SOS2: variants seen among roughly 807,000 people sequenced by gnomAD.
SOS2 encodes SOS Ras/Rho guanine nucleotide exchange factor 2, also known as son of sevenless homolog 2.
Under a neutral mutation model 148.2 loss-of-function variants are expected in SOS2, and 65 were observed. That is an observed-to-expected ratio of 0.44 (90% CI 0.36 to 0.54). SOS2 has a LOEUF of 0.54. SOS2 is among the 20% of genes least tolerant of loss of function. The pLI is 0.00. For missense variants in SOS2, 1,341 were observed against 1,590.2 expected (o/e 0.84, Z 2.67); for synonymous variants, 539 against 537.1 (o/e 1.00, Z -0.05).
chr14:50,144,191 C>A (rs1884387240), intron 16 of SOS2, among the ~76,000 whole-genome samples: 1 of 151,856 alleles, frequency 6.6e-6, no homozygotes, highest in Non-Finnish European at 1.5e-5. Flanking sequence ...GTCCCACAAT[C>A]TACTGTTGGA....
At chr14:50,217,338 A>AT (rs200144434) in intron 1 of SOS2, among the ~76,000 whole-genome samples, 1 of 152,128 alleles carries the variant, frequency 6.6e-6, no homozygotes, top group African/African-American at 2.4e-5. Flanking sequence ...ACAAGGTGAG[A>AT]TTTTTTTAAA....
intron 14 of SOS2, 92 bp downstream of exon 14, chr14:50,149,916 A>G: frequency 1.1e-6 from 1 of 886,064 alleles, no homozygotes; most frequent in South Asian, 1.5e-5. Context: ...AGGTATTTTT[A>G]AGCACTCATG....
chr14:50,187,021 CT>C (rs1173694704), intron 5 of SOS2, among the ~76,000 whole-genome samples: 1 of 151,958 alleles, frequency 6.6e-6, no homozygotes, highest in Non-Finnish European at 1.5e-5. Flanking sequence ...GGCTAAGTAT[CT>C]TTTTTTTGAG....
intron 7 of SOS2, among the ~76,000 whole-genome samples, chr14:50,179,335 T>A (rs969968541): frequency 3.3e-5 from 5 of 152,142 alleles, no homozygotes; most frequent in African/African-American, 1.2e-4. Context: ...TTCAGGACTA[T>A]AAGGATTTTT....
intron 12 of SOS2, 74 bp from the exon 13 acceptor site, chr14:50,153,247 C>T (rs1467264041): frequency 7.6e-5 from 59 of 780,988 alleles, no homozygotes; most frequent in Non-Finnish European, 1.2e-4. Flanking sequence ...TCTAATGCCA[C>T]GATAATAGCT....
intron 11 of SOS2, 101 bp from the exon 12 acceptor site, chr14:50,157,222 T>C: frequency 3.7e-6 from 5 of 1,352,204 alleles, no homozygotes; most frequent in Admixed American, 4.3e-5. Flanking sequence ...CCACGAAAAG[T>C]GGATTACTGT....
rs746540364 is a variant in SOS2, at chr14:50,135,071, C to CAAAA, written c.2959-836_2959-833dup. On this transcript the variant is annotated intron_variant, in intron 18 of 22. Coordinates refer to ENST00000216373, the MANE Select transcript of SOS2 (RefSeq NM_006939.4). ...CTGGGCAACAAGAGCGAGACTGTCT[C>CAAAA]AAAAAAAAAAAAAAAAAAAAAGAAA... Among the ~76,000 whole-genome samples, 161 of 56,356 alleles carry CAAAA rather than the reference C, an allele frequency of 2.9e-3. 1 individual carries two copies. Among genetic ancestry groups the CAAAA allele is most frequent in the East Asian group, 4.7e-3 (8 of 1,690 alleles). 37.0% of individuals were successfully genotyped at this position (56,356 alleles called of 152,430 possible). A position where few individuals can be genotyped will look rare whatever the true frequency, so the allele number is the denominator to read the frequency against.
At chr14:50,146,560 C>T (rs1884479601) in intron 14 of SOS2, among the ~76,000 whole-genome samples, 1 of 151,698 alleles carries the variant, frequency 6.6e-6, no homozygotes, top group Non-Finnish European at 1.5e-5. Context: ...GCAGGAGAAT[C>T]GCTTGAACCC....
intron 2 of SOS2, among the ~76,000 whole-genome samples, chr14:50,203,269 G>T (rs1285998804): frequency 6.6e-6 from 1 of 152,136 alleles, no homozygotes; most frequent in African/African-American, 2.4e-5. Flanking sequence ...TTGGGAGGCT[G>T]AGGCAGGAGA....
At chr14:50,120,038 C>G (rs779624102) in intron 22 of SOS2, among the ~76,000 whole-genome samples, 2 of 152,162 alleles carry the variant, frequency 1.3e-5, no homozygotes, top group Non-Finnish European at 2.9e-5. Flanking sequence ...GTCTCGAACT[C>G]CTGATCTCAG....
rs934357386 is a variant in SOS2, at chr14:50,118,772, C to G, written c.3571G>C (p.Val1191Leu). ...PPPKVKPRVPVPTGAFDGPLH... is the reference protein window; with the variant it reads ...PPPKVKPRVPLPTGAFDGPLH... ...GGCCCATCAAATGCACCAGTAGGAA[C>G]AGGAACTCTGGGTTTTACCTTTGGA... Residue 1191 changes from valine (V) to leucine (L), a missense_variant, in exon 23 of 23, where the codon GTT becomes CTT. Val to Leu is a conservative substitution (Grantham distance 32). This residue lies in a region of SOS2 where 354 missense variants were observed against 347.7 expected (regional missense o/e 1.02). Transcript: ENST00000216373. The G allele has an allele frequency of 1.3e-6, 2 of 1,590,204 alleles. No homozygotes were observed. The highest frequency in any genetic ancestry group is 1.7e-6 in the Non-Finnish European group (2 of 1,168,062).
chr14:50,141,021 G>C (rs1045837281), intron 16 of SOS2, among the ~76,000 whole-genome samples: 9 of 150,692 alleles, frequency 6.0e-5, no homozygotes, highest in Non-Finnish European at 8.9e-5. Flanking sequence ...TGGCTAACAC[G>C]GTGAAACCCC....
intron 18 of SOS2, among the ~76,000 whole-genome samples, chr14:50,137,575 T>C (rs1468889155): frequency 6.6e-6 from 1 of 152,208 alleles, no homozygotes; most frequent in African/African-American, 2.4e-5. Flanking sequence ...TATCTACTGA[T>C]TAATTTTTTT....
intron 4 of SOS2, among the ~76,000 whole-genome samples, 166 bp downstream of exon 4, chr14:50,199,525 T>C (rs909321881): frequency 6.6e-5 from 10 of 152,218 alleles, no homozygotes; most frequent in Non-Finnish European, 1.0e-4. Context: ...TGCCATATGC[T>C]TAAAAACCTG....
rs572848772 is a variant in SOS2, at chr14:50,185,548, C to G, written c.715-2942G>C. 3.9e-5 allele frequency among the ~76,000 whole-genome samples: 6 copies of G among 151,934 alleles called. No individual in the cohort carries two copies. In the South Asian group the frequency reaches 1.2e-3, roughly 31 times the overall value. On this transcript the variant is annotated intron_variant, in intron 5 of 22. Transcript: ENST00000216373. ...TTCTACCAAAAGTACAAAAATTAGC[C>G]AGGCGTGGTGGTGCACATCTCTAAT...
intron 1 of SOS2, among the ~76,000 whole-genome samples, chr14:50,207,445 A>C (rs1886697483): frequency 6.6e-6 from 1 of 152,080 alleles, no homozygotes; most frequent in African/African-American, 2.4e-5. Flanking sequence ...CAGAAGGTCA[A>C]GGCTACAGTG....
At position 50,148,409 on chromosome 14, in the gene SOS2, CA is replaced by C. The variant is rs3072684; in HGVS notation, c.2384+1598del. Among the ~76,000 whole-genome samples, 385 of 118,174 alleles carry C rather than the reference CA, an allele frequency of 3.3e-3. 3 individuals are homozygous for C. Among genetic ancestry groups the C allele is most frequent in the East Asian group, 4.5e-3 (18 of 3,960 alleles). The allele number at this position is 118,174 out of a possible 152,430, so 77.5% of individuals were successfully genotyped here. A position where few individuals can be genotyped will look rare whatever the true frequency, so the allele number is the denominator to read the frequency against. On this transcript the variant is annotated intron_variant, in intron 14 of 22. Transcript: ENST00000216373. Reference sequence around the variant, plus strand: ...TGGGTGACAGAGCAAGACACCATCTCAAAAAAAAAAAAAAAAAAAAATTTAG... The same window carrying C: ...TGGGTGACAGAGCAAGACACCATCTCAAAAAAAAAAAAAAAAAAAATTTAG...
chr14:50,168,559 C>T (rs1048770461), intron 8 of SOS2, among the ~76,000 whole-genome samples: 3 of 152,066 alleles, frequency 2.0e-5, no homozygotes, highest in African/African-American at 7.2e-5. Flanking sequence ...ATCCTTTGCT[C>T]ATTTTTTTAG....
At chr14:50,124,790 G>A (rs1053411343) in intron 21 of SOS2, among the ~76,000 whole-genome samples, 2 of 152,086 alleles carry the variant, frequency 1.3e-5, no homozygotes, top group African/African-American at 4.8e-5. Flanking sequence ...ATTGTGAATG[G>A]AGTCTTGCCA....
Sources: gnomAD v4.1 joint callset for allele counts (sites outside exome capture counted in the v4.1 genomes callset) on GRCh38, gnomAD v4.1.1 for gene constraint, gnomAD v4.1.1 regional missense constraint, MANE v1.5 for transcripts, NCBI Gene and HGNC (gene_info 2026-07-23, HGNC 2026-07-21) for gene names.